MPZL1: variants seen among roughly 807,000 people sequenced by gnomAD.
MPZL1 encodes myelin protein zero like 1, also known as myelin protein zero-like protein 1.
MPZL1 carries 16 observed loss-of-function variants against 29.3 expected under a neutral mutation model. That is an observed-to-expected ratio of 0.55 (90% CI 0.37 to 0.83). The LOEUF is 0.83. Ranked by LOEUF, MPZL1 falls within the 40% of genes least tolerant of loss-of-function variation. The probability of loss-of-function intolerance (pLI) is 0.00; values close to 1 mark genes in which losing one functional copy is unlikely to be tolerated. For missense variants in MPZL1, 279 were observed against 332.9 expected, an observed-to-expected ratio of 0.84 and a Z score of 1.26; for synonymous variants, 143 against 132.0, an observed-to-expected ratio of 1.08 and a Z score of -0.57.
intron 1 of MPZL1, among the ~76,000 whole-genome samples, chr1:167,762,587 C>T (rs1246843394): frequency 6.6e-6 from 1 of 152,230 alleles, no homozygotes; most frequent in Non-Finnish European, 1.5e-5. Context: ...AAACTCGGTG[C>T]TTGGCCCAAG....
At chr1:167,727,206 C>T (rs887290546) in intron 1 of MPZL1, among the ~76,000 whole-genome samples, 2 of 152,098 alleles carry the variant, frequency 1.3e-5, no homozygotes, top group Non-Finnish European at 2.9e-5. Context: ...TGCTGTTTCC[C>T]CTCTATCCAG....
intron 1 of MPZL1, among the ~76,000 whole-genome samples, chr1:167,742,491 A>C (rs184808744): frequency 1.3e-5 from 2 of 152,166 alleles, no homozygotes; most frequent in Non-Finnish European, 2.9e-5. Context: ...GGAATTTCTT[A>C]AGGAGTCCAT....
intron 1 of MPZL1, among the ~76,000 whole-genome samples, chr1:167,756,097 G>T (rs895455202): frequency 2.0e-5 from 3 of 152,182 alleles, no homozygotes; most frequent in Non-Finnish European, 2.9e-5. Context: ...CATCGATCAT[G>T]AGCGGAAGGA....
chr1:167,739,771 C>T (rs967212623), intron 1 of MPZL1, among the ~76,000 whole-genome samples: 5 of 152,180 alleles, frequency 3.3e-5, no homozygotes, highest in African/African-American at 4.8e-5. Context: ...ACAGTCACTA[C>T]TCTAAACATC....
chr1:167,786,213 T>C (rs1001901401), intron 5 of MPZL1, among the ~76,000 whole-genome samples: 3 of 152,220 alleles, frequency 2.0e-5, no homozygotes, highest in Non-Finnish European at 2.9e-5. Context: ...TAATATTTCC[T>C]ATGACAGCCA....
chr1:167,772,575 GT>G lies in MPZL1; in HGVS notation c.472+90del, dbSNP rs1381360917. Reference sequence around the variant, plus strand: ...AAACATGAGTTGCATTTCATGGTGGGTTTGGAGGGAGGATTTTTGCCATACA... The same window carrying G: ...AAACATGAGTTGCATTTCATGGTGGGTTGGAGGGAGGATTTTTGCCATACA... On this transcript the variant is annotated intron_variant, in intron 3 of 5. Transcript: ENST00000359523. The G allele has an allele frequency of 1.7e-5, 21 of 1,270,938 alleles. No individual in the cohort carries two copies. In the Admixed American group the frequency reaches 2.9e-4, roughly 18 times the overall value. 78.7% of individuals were successfully genotyped at this position (1,270,938 alleles called of 1,614,324 possible).
At chr1:167,781,327 AC>A (rs1309657802) in intron 5 of MPZL1, among the ~76,000 whole-genome samples, 1 of 152,166 alleles carries the variant, frequency 6.6e-6, no homozygotes, top group Non-Finnish European at 1.5e-5. Context: ...ATGAAAATTA[AC>A]CAAATATAGA....
intron 1 of MPZL1, among the ~76,000 whole-genome samples, chr1:167,763,494 C>T (rs59573534): frequency 0.14 from 19,754 of 139,064 alleles, 2,579 homozygotes; most frequent in African/African-American, 0.35. Flanking sequence ...GATTGAGACT[C>T]GGTCTCAAAA....
chr1:167,730,132 G>A (rs1242445513), intron 1 of MPZL1, among the ~76,000 whole-genome samples: 3 of 152,198 alleles, frequency 2.0e-5, no homozygotes, highest in Non-Finnish European at 2.9e-5. Context: ...GATCCCTCAT[G>A]CCTTGATGCT....
At chr1:167,778,382 G>C (rs572532316) in intron 5 of MPZL1, among the ~76,000 whole-genome samples, 11 of 148,872 alleles carry the variant, frequency 7.4e-5, no homozygotes, top group Non-Finnish European at 1.3e-4. Context: ...ACATAAGCCA[G>C]ATATAGTGGT....
chr1:167,758,248 G>A (rs747848602), intron 1 of MPZL1, among the ~76,000 whole-genome samples: 8 of 151,976 alleles, frequency 5.3e-5, no homozygotes, highest in Non-Finnish European at 1.0e-4. Context: ...ACCAGTAACA[G>A]CTTCAAGATC....
At chr1:167,759,795 C>A (rs1007833957) in intron 1 of MPZL1, among the ~76,000 whole-genome samples, 1 of 152,150 alleles carries the variant, frequency 6.6e-6, no homozygotes, top group South Asian at 2.1e-4. Context: ...CCATAGCATT[C>A]TCTATCTGGG....
intron 1 of MPZL1, among the ~76,000 whole-genome samples, chr1:167,722,499 C>T (rs1293696391): frequency 6.6e-6 from 1 of 152,090 alleles, no homozygotes; most frequent in East Asian, 1.9e-4. Context: ...AGTGCTTTAC[C>T]TTGCTCCTTC....
intron 1 of MPZL1, chr1:167,765,075 A>G (rs1355655155): frequency 1.3e-5 from 2 of 152,336 alleles, no homozygotes; most frequent in East Asian, 3.9e-4. Flanking sequence ...AGACGTCACT[A>G]TTCACCTTTG....
intron 1 of MPZL1, among the ~76,000 whole-genome samples, chr1:167,741,214 G>A (rs929160889): frequency 7.7e-5 from 11 of 142,428 alleles, no homozygotes; most frequent in East Asian, 2.1e-4. Flanking sequence ...AGAGATGGGG[G>A]TTTCGCTATG....
chr1:167,782,341 CTT>C lies in MPZL1; in HGVS notation c.709-5477_709-5476del, dbSNP rs1398252229. ...AACTGATAATTCCAGTGTCTGTAGT[CTT>C]TATTGATCTGACTACGGTTTTTGTT... On this transcript the variant is annotated intron_variant, in intron 5 of 5. Coordinates refer to ENST00000359523, the MANE Select transcript of MPZL1 (RefSeq NM_003953.6). Among the ~76,000 whole-genome samples the C allele has an allele frequency of 2.6e-5, 4 of 152,202 alleles. No homozygotes were observed. In the East Asian group the frequency reaches 7.7e-4, roughly 29 times the overall value.
At chr1:167,735,625 G>T (rs1265498041) in intron 1 of MPZL1, among the ~76,000 whole-genome samples, 1 of 152,160 alleles carries the variant, frequency 6.6e-6, no homozygotes, top group African/African-American at 2.4e-5. Context: ...TCCAAAATCT[G>T]CAGGGTAGGC....
At chr1:167,750,447 C>T (rs901542991) in intron 1 of MPZL1, among the ~76,000 whole-genome samples, 4 of 152,146 alleles carry the variant, frequency 2.6e-5, no homozygotes, top group Non-Finnish European at 5.9e-5. Flanking sequence ...GGTAATCCGC[C>T]TGCCTCAGCC....
chr1:167,772,397 T>A lies in MPZL1; in HGVS notation c.381T>A (p.Phe127Leu). The A allele has an allele frequency of 6.2e-7, 1 of 1,614,108 alleles. No homozygotes were observed. Among genetic ancestry groups the A allele is most frequent in the South Asian group, 1.1e-5 (1 of 91,082 alleles). The change falls in exon 3 of 6, where the codon TTT becomes TTA. Residue 127 changes from phenylalanine to leucine, a missense_variant. Coordinates refer to ENST00000359523, the MANE Select transcript of MPZL1 (RefSeq NM_003953.6). The stretch of plus-strand genomic sequence containing the variant: ...CAATCAACATAGAAAATATGCAGTT[T>A]ATACACAATGGCACCTATATCTGTG... ...DASINIENMQ[F>L]IHNGTYICDV...
Sources: allele counts gnomAD v4.1 joint callset (sites outside exome capture counted in the v4.1 genomes callset), GRCh38; gene constraint gnomAD v4.1.1; transcripts MANE v1.5; gene names NCBI Gene and HGNC (gene_info 2026-07-23, HGNC 2026-07-21).